ITSN1: variants seen among roughly 807,000 people sequenced by gnomAD.
ITSN1 encodes the protein intersectin 1.
Under a neutral mutation model 239.8 loss-of-function variants are expected in ITSN1, and 58 were observed. The observed-to-expected ratio is 0.24, with a 90% CI of 0.20 to 0.30. The LOEUF is 0.30. Ranked by LOEUF, ITSN1 falls within the 10% of genes least tolerant of loss-of-function variation. The pLI is 1.00. For synonymous variants in ITSN1, 780 were observed against 770.8 expected, an observed-to-expected ratio of 1.01 and a Z score of -0.20; for missense variants, 1,558 against 2,103.3, an observed-to-expected ratio of 0.74 and a Z score of 5.07.
At chr21:33,845,100 T>C (rs1388300892) in intron 29 of ITSN1, among the ~76,000 whole-genome samples, 1 of 151,556 alleles carries the variant, frequency 6.6e-6, no homozygotes, top group East Asian at 1.9e-4. Context: ...GCAGAGGAGA[T>C]GCCTAGAACT....
At chr21:33,687,744 C>A (rs1384840394) in intron 1 of ITSN1, among the ~76,000 whole-genome samples, 1 of 152,156 alleles carries the variant, frequency 6.6e-6, no homozygotes, top group African/African-American at 2.4e-5. Context: ...TCATATCATA[C>A]AACTTGAATT....
chr21:33,866,332 G>A (rs1238667611), intron 32 of ITSN1, among the ~76,000 whole-genome samples: 6 of 152,234 alleles, frequency 3.9e-5, no homozygotes, highest in African/African-American at 1.4e-4. Flanking sequence ...GGAGACGAGA[G>A]AGCAGATGCT....
At position 33,811,270 on chromosome 21, in the gene ITSN1, A is replaced by T. The variant is rs774229945; in HGVS notation, c.2567+48A>T. The T allele has an allele frequency of 4.0e-6, 6 of 1,510,170 alleles. No homozygotes were observed. The African/African-American group carries it at 5.6e-5, about 14-fold the overall frequency. The allele number at this position is 1,510,170 out of a possible 1,614,324, so 93.5% of individuals were successfully genotyped here. A position where few individuals can be genotyped will look rare whatever the true frequency, so the allele number is the denominator to read the frequency against. ...TGATGATTTTTGAAATCCCAATTTG[A>T]TCATTTCCCCCCCACCCCCTTAAGT... is the stretch of plus-strand genomic sequence containing the variant. On this transcript the variant is annotated intron_variant, in intron 21 of 39. Coordinates refer to ENST00000381318, the MANE Select transcript of ITSN1 (RefSeq NM_003024.3).
intron 1 of ITSN1, chr21:33,716,351 T>C (rs1269403888): frequency 3.9e-5 from 6 of 152,152 alleles, no homozygotes; most frequent in Non-Finnish European, 8.8e-5. Flanking sequence ...AAGCACGGGA[T>C]TGAAAGTCAA....
intron 29 of ITSN1, chr21:33,837,387 T>A (rs1273692165): frequency 2.9e-5 from 29 of 991,520 alleles, no homozygotes; most frequent in Non-Finnish European, 3.2e-5. Context: ...TTTGCTATTT[T>A]GGTTTTGCAA....
chr21:33,713,051 T>C (rs1370235647), intron 1 of ITSN1, among the ~76,000 whole-genome samples: 1 of 151,860 alleles, frequency 6.6e-6, no homozygotes, highest in African/African-American at 2.4e-5. Flanking sequence ...CTAATTTTTG[T>C]ATTTTTATTA....
At chr21:33,830,553 C>T (rs1181880600) in intron 27 of ITSN1, among the ~76,000 whole-genome samples, 1 of 151,622 alleles carries the variant, frequency 6.6e-6, no homozygotes, top group African/African-American at 2.4e-5. Flanking sequence ...GACTGGTCTT[C>T]AAAACCGTCA....
chr21:33,742,587 G>T (rs1355324434), intron 5 of ITSN1, among the ~76,000 whole-genome samples: 1 of 152,166 alleles, frequency 6.6e-6, no homozygotes, highest in Admixed American at 6.5e-5. Flanking sequence ...AGTACTGAGT[G>T]AGTACAAAGG....
At chr21:33,720,143 G>T (rs1422917373) in intron 2 of ITSN1, among the ~76,000 whole-genome samples, 2 of 152,188 alleles carry the variant, frequency 1.3e-5, no homozygotes, top group African/African-American at 4.8e-5. Flanking sequence ...TCTAGAAGTT[G>T]CAGAACTGTA....
chr21:33,722,169 A>G (rs1409925216), intron 3 of ITSN1, among the ~76,000 whole-genome samples: 6 of 152,112 alleles, frequency 3.9e-5, no homozygotes, highest in Non-Finnish European at 7.4e-5. Context: ...ATTGTTATTT[A>G]TTCTCTGTAA....
intron 29 of ITSN1, among the ~76,000 whole-genome samples, chr21:33,843,457 G>A (rs941687076): frequency 2.6e-5 from 4 of 152,112 alleles, no homozygotes; most frequent in Non-Finnish European, 5.9e-5. Flanking sequence ...TTTGCCAGGC[G>A]CTCAGGCTTA....
At chr21:33,849,565 C>CAA (rs55906219) in intron 29 of ITSN1, among the ~76,000 whole-genome samples, 1,130 of 85,578 alleles carry the variant, frequency 0.013, 30 homozygotes, top group Admixed American at 0.071. Context: ...GACTCTGTCT[C>CAA]AAAAAAAAAA....
intron 1 of ITSN1, among the ~76,000 whole-genome samples, chr21:33,678,316 T>G (rs748705156): frequency 8.5e-5 from 13 of 152,194 alleles, no homozygotes; most frequent in Non-Finnish European, 1.6e-4. Context: ...TCACCATCTA[T>G]CTTGTTAACC....
chr21:33,754,778 C>T (rs962290704), intron 7 of ITSN1, among the ~76,000 whole-genome samples: 34 of 152,096 alleles, frequency 2.2e-4, no homozygotes, highest in Admixed American at 2.2e-3. Flanking sequence ...GGAAACTGTC[C>T]AATGGGTCTG....
At chr21:33,765,778 G>C (rs913104697) in intron 9 of ITSN1, 97 bp from the exon 10 acceptor site, 7 of 1,292,152 alleles carry the variant, frequency 5.4e-6, no homozygotes, top group Middle Eastern at 1.9e-4. Flanking sequence ...CAGTTGGCCT[G>C]TGGTCAATAA....
chr21:33,820,574 A>G (rs11910264), intron 24 of ITSN1, among the ~76,000 whole-genome samples: 5,482 of 152,296 alleles, frequency 0.036, 333 homozygotes, highest in African/African-American at 0.13. Context: ...GGATTAAGGT[A>G]TAATGGTATT....
chr21:33,788,851 T>C (rs2070876852), intron 16 of ITSN1, among the ~76,000 whole-genome samples: 1 of 152,176 alleles, frequency 6.6e-6, no homozygotes, highest in African/African-American at 2.4e-5. Flanking sequence ...CTCAGGAGGC[T>C]GAGGTGGGAG....
At chr21:33,869,134 C>A (rs1982267665) in intron 33 of ITSN1, among the ~76,000 whole-genome samples, 1 of 152,128 alleles carries the variant, frequency 6.6e-6, no homozygotes, top group Non-Finnish European at 1.5e-5. Flanking sequence ...TTCAGAAGGC[C>A]ATTGTGAAAC....
intron 1 of ITSN1, among the ~76,000 whole-genome samples, chr21:33,708,573 G>A (rs2092320987): frequency 0.02 from 2 of 102 alleles, 1 homozygote; most frequent in South Asian, 0.25. Context: ...TTTTAGTAGA[G>A]ACGGGTTTCT....
Sources: allele counts gnomAD v4.1 joint callset (sites outside exome capture counted in the v4.1 genomes callset), GRCh38; gene constraint gnomAD v4.1.1; transcripts MANE v1.5; gene names NCBI Gene and HGNC (gene_info 2026-07-23, HGNC 2026-07-21).